RPS6KA2: variants seen among roughly 807,000 people sequenced by gnomAD.
The protein encoded by RPS6KA2 is ribosomal protein S6 kinase alpha-2.
Under a neutral mutation model 91.8 loss-of-function variants are expected in RPS6KA2, and 42 were observed. The ratio of observed to expected loss-of-function variants is 0.46; its 90% CI spans 0.36 to 0.59. RPS6KA2 has a LOEUF of 0.59. Ranked by LOEUF, RPS6KA2 falls within the 20% of genes least tolerant of loss-of-function variation. RPS6KA2 has a pLI of 0.00. For missense variants in RPS6KA2, 798 were observed against 978.5 expected, an observed-to-expected ratio of 0.82 and a Z score of 2.46; for synonymous variants, 414 against 393.6, an observed-to-expected ratio of 1.05 and a Z score of -0.61.
At chr6:166,520,490 T>C (rs954820231) in intron 3 of RPS6KA2, among the ~76,000 whole-genome samples, 7 of 152,210 alleles carry the variant, frequency 4.6e-5, no homozygotes, top group African/African-American at 7.2e-5. Context: ...TGTGAGCTGA[T>C]TCCTGTAACA....
intron 2 of RPS6KA2, among the ~76,000 whole-genome samples, chr6:166,676,342 G>A (rs1268274104): frequency 6.6e-6 from 1 of 151,558 alleles, no homozygotes; most frequent in Non-Finnish European, 1.5e-5. Context: ...AAAATGTCCT[G>A]GGAGGTGCAG....
Position 166,490,865 on chromosome 6 carries a change from A to G in RPS6KA2, c.748-124T>C. The G allele has an allele frequency of 1.4e-6, 1 of 705,856 alleles. No individual in the cohort carries two copies. Among genetic ancestry groups the G allele is most frequent in the East Asian group, 2.7e-5 (1 of 36,476 alleles). 43.7% of individuals were successfully genotyped at this position (705,856 alleles called of 1,614,324 possible). A position where few individuals can be genotyped will look rare whatever the true frequency, so the allele number is the denominator to read the frequency against. ...CCTCATGCAAAATCTCCATCAGTCA[A>G]TTGTAGCCACTGGCCTACGTGCTTG... On this transcript the variant is annotated intron_variant, in intron 8 of 20. Coordinates refer to ENST00000265678, the MANE Select transcript of RPS6KA2 (RefSeq NM_021135.6). The surrounding 1 kb of genome is among the most constrained non-coding windows in gnomAD (Gnocchi z 4.2).
Position 166,432,566 on chromosome 6 carries a change from G to A in RPS6KA2, c.1333-76C>T, listed in dbSNP as rs1779172474. The A allele has an allele frequency of 2.0e-5, 18 of 890,308 alleles. 2 individuals carry two copies. The South Asian group carries it at 2.4e-4, about 12-fold the overall frequency. The allele number at this position is 890,308 out of a possible 1,614,324, so 55.2% of individuals were successfully genotyped here. ...GTGGTATCTGCTGGTGGACCATTGA[G>A]TTTGGATAAAGTCTGGCCCCAGGTG... On this transcript the variant is annotated intron_variant, in intron 14 of 20. Transcript: ENST00000265678.
chr6:166,614,817 C>T lies in RPS6KA2; in HGVS notation c.99+12104G>A, dbSNP rs542591101. Among the ~76,000 whole-genome samples, 9 of 152,320 alleles carry T rather than the reference C, an allele frequency of 5.9e-5. 1 individual carries two copies. Among genetic ancestry groups the T allele is most frequent in the East Asian group, 5.8e-4 (3 of 5,188 alleles). On this transcript the variant is annotated intron_variant, in intron 1 of 20. Transcript: ENST00000265678. Reference sequence around the variant, plus strand: ...CTTTCCCGCTTCTGCAATCAGACCTCCTCTGCCTCCTCTCACGAGGACTCT... The same window carrying T: ...CTTTCCCGCTTCTGCAATCAGACCTTCTCTGCCTCCTCTCACGAGGACTCT...
At chr6:166,547,676 T>G (rs1470637785) in intron 1 of RPS6KA2, among the ~76,000 whole-genome samples, 1 of 152,198 alleles carries the variant, frequency 6.6e-6, no homozygotes, top group African/African-American at 2.4e-5. Flanking sequence ...CGAGGTCATG[T>G]TTTCAAAAAA....
At chr6:166,861,908 G>A (rs1179431324) in intron 1 of RPS6KA2, among the ~76,000 whole-genome samples, 1 of 152,230 alleles carries the variant, frequency 6.6e-6, no homozygotes, top group Non-Finnish European at 1.5e-5. Context: ...ACACAATGCC[G>A]TGCGTGTATA....
Position 166,662,176 on chromosome 6 carries a change from A to T in RPS6KA2, c.124-123392T>A. 6.6e-6 allele frequency among the ~76,000 whole-genome samples: 1 copy of T among 152,324 alleles called. No individual in the cohort carries two copies. The highest frequency in any genetic ancestry group is 6.5e-5 in the Admixed American group (1 of 15,296). On this transcript the variant is annotated intron_variant, in intron 2 of 21. Coordinates refer to the RPS6KA2 transcript ENST00000503859. This position sits in a 1 kb window ranked among gnomAD's most constrained non-coding sequence, Gnocchi z 4.3. ...AAACTGTCTAAAATGTTATCAAATT[A>T]TTCTTTTTAATCTTTGAAGATTATC... is the stretch of plus-strand genomic sequence containing the variant.
At position 166,681,950 on chromosome 6, in the gene RPS6KA2, G is replaced by A. The variant is rs1260054864; in HGVS notation, c.124-143166C>T. Among the ~76,000 whole-genome samples, 7 of 152,120 alleles carry A rather than the reference G, an allele frequency of 4.6e-5. No homozygotes were observed. The South Asian group carries it at 8.3e-4, about 18-fold the overall frequency. ...CCACCCACCACCGCACTGTTCTCCC[G>A]CAGAGATGACAGACAGCTTAGGTTT... On this transcript the variant is annotated intron_variant, in intron 2 of 21. Coordinates refer to the RPS6KA2 transcript ENST00000503859.
intron 2 of RPS6KA2, among the ~76,000 whole-genome samples, chr6:166,680,200 T>C (rs1305945994): frequency 6.6e-6 from 1 of 152,020 alleles, no homozygotes; most frequent in African/African-American, 2.4e-5. Context: ...CTTGGAGAAC[T>C]TTTGTGTCTA....
intron 3 of RPS6KA2, among the ~76,000 whole-genome samples, chr6:166,510,893 C>T (rs1234465921): frequency 1.3e-5 from 2 of 152,008 alleles, no homozygotes; most frequent in African/African-American, 2.4e-5. Context: ...CTATTTCCCT[C>T]GCCCTGTATT....
chr6:166,425,133 T>C (rs1012597112), intron 16 of RPS6KA2, among the ~76,000 whole-genome samples: 10 of 152,196 alleles, frequency 6.6e-5, no homozygotes, highest in Admixed American at 2.0e-4. Context: ...CTATAACAAA[T>C]GTTCCTAACT....
In RPS6KA2 at chr6:166,498,498, G is replaced by A; in HGVS notation, c.747+10C>T. The A allele has an allele frequency of 6.2e-7, 1 of 1,604,088 alleles. No individual in the cohort carries two copies. Among genetic ancestry groups the A allele is most frequent in the South Asian group, 1.1e-5 (1 of 90,168 alleles). ...CGCCATGGCACAGAAGAGGGTCGGG[G>A]CAGGCTCACCATGAGCACGCCGAAG... On this transcript the variant is annotated intron_variant, in intron 8 of 20. Coordinates refer to ENST00000265678, the MANE Select transcript of RPS6KA2 (RefSeq NM_021135.6).
intron 2 of RPS6KA2, among the ~76,000 whole-genome samples, chr6:166,716,955 T>C (rs1392436324): frequency 6.6e-6 from 1 of 152,210 alleles, no homozygotes; most frequent in Non-Finnish European, 1.5e-5. Context: ...CGTACAGAAC[T>C]CACACAAATG....
At chr6:166,772,007 C>A (rs1002817501) in intron 2 of RPS6KA2, among the ~76,000 whole-genome samples, 4 of 150,678 alleles carry the variant, frequency 2.7e-5, no homozygotes, top group Non-Finnish European at 5.9e-5. Flanking sequence ...AGGTGAGAAT[C>A]ATAGCTCTGT....
chr6:166,617,027 T>C (rs771354902), intron 1 of RPS6KA2, among the ~76,000 whole-genome samples: 1 of 152,234 alleles, frequency 6.6e-6, no homozygotes, highest in Non-Finnish European at 1.5e-5. Context: ...AGCCCGGCTC[T>C]GCCTGACAGA....
chr6:166,577,131 T>G (rs550063799), intron 1 of RPS6KA2, among the ~76,000 whole-genome samples: 1 of 152,306 alleles, frequency 6.6e-6, no homozygotes, highest in South Asian at 2.1e-4. Flanking sequence ...ACCACCTAGA[T>G]TGCAGAAGAT....
intron 3 of RPS6KA2, 141 bp from the exon 4 acceptor site, chr6:166,510,498 C>A: frequency 2.5e-6 from 1 of 393,846 alleles, no homozygotes; most frequent in South Asian, 4.4e-5. Flanking sequence ...AAAAGTTGTA[C>A]AATAATCCTA....
In RPS6KA2 at chr6:166,445,030, T is replaced by TC. The variant is rs1779634480; in HGVS notation, c.1332+3693_1332+3694insG. Among the ~76,000 whole-genome samples, 1 of 152,178 alleles carries TC rather than the reference T, an allele frequency of 6.6e-6. No homozygotes were observed. The highest frequency in any genetic ancestry group is 2.4e-5 in the African/African-American group (1 of 41,426). Reference sequence around the variant, plus strand: ...ATGTAGTTTACGTTATTCAGGGTAATTATGGTGGCAAAATTAGAAACCTGC... The same window carrying TC: ...ATGTAGTTTACGTTATTCAGGGTAATCTATGGTGGCAAAATTAGAAACCTGC... On this transcript the variant is annotated intron_variant, in intron 14 of 20. Coordinates refer to ENST00000265678, the MANE Select transcript of RPS6KA2 (RefSeq NM_021135.6). This position sits in a 1 kb window ranked among gnomAD's most constrained non-coding sequence, Gnocchi z 4.5.
chr6:166,625,547 G>A (rs914228105), intron 1 of RPS6KA2, among the ~76,000 whole-genome samples: 1 of 152,062 alleles, frequency 6.6e-6, no homozygotes, highest in Non-Finnish European at 1.5e-5. Context: ...ACAGTAAATG[G>A]AAGGAGACAA....
Sources: gnomAD v4.1 joint callset for allele counts (sites outside exome capture counted in the v4.1 genomes callset) on GRCh38, gnomAD v4.1.1 for gene constraint, Gnocchi (gnomAD v3.1) non-coding constraint, MANE v1.5 for transcripts, NCBI Gene and HGNC (gene_info 2026-07-23, HGNC 2026-07-21) for gene names.